The following FAM135B variants were observed in gnomAD, a reference collection of about 807,000 sequenced individuals.
The protein encoded by FAM135B is family with sequence similarity 135 member B.
Under a neutral mutation model 127.7 loss-of-function variants are expected in FAM135B, and 43 were observed. The observed-to-expected ratio is 0.34, with a 90% CI of 0.26 to 0.43. FAM135B has a LOEUF of 0.43. FAM135B is among the 20% of genes least tolerant of loss of function. FAM135B has a pLI of 1.00. For synonymous variants in FAM135B, 670 were observed against 665.1 expected (o/e 1.01, Z -0.11); for missense variants, 1,558 against 1,725.6 (o/e 0.90, Z 1.72).
intron 1 of FAM135B, among the ~76,000 whole-genome samples, chr8:138,487,834 T>C (rs1815042343): frequency 6.6e-6 from 1 of 152,004 alleles, no homozygotes; most frequent in Non-Finnish European, 1.5e-5. Flanking sequence ...AAATCCCTTA[T>C]CTACTAAAAA....
At chr8:138,136,592 A>T (rs13256958) in intron 19 of FAM135B, among the ~76,000 whole-genome samples, 50,624 of 151,348 alleles carry the variant, frequency 0.33, 9,683 homozygotes, top group East Asian at 0.54. Flanking sequence ...ACATGTTTTT[A>T]AAAAAAAACA....
intron 12 of FAM135B, among the ~76,000 whole-genome samples, chr8:138,161,810 C>A: frequency 6.6e-6 from 1 of 152,280 alleles, no homozygotes; most frequent in East Asian, 1.9e-4. Flanking sequence ...TAAGAAATTC[C>A]GAGCCTCCCT....
intron 3 of FAM135B, among the ~76,000 whole-genome samples, chr8:138,281,466 TA>T (rs5895509): frequency 0.02 from 2,970 of 148,058 alleles, 69 homozygotes; most frequent in East Asian, 0.083. Context: ...AGCATCAGTT[TA>T]AAAAAAAAAA....
intron 2 of FAM135B, among the ~76,000 whole-genome samples, chr8:138,358,722 T>C (rs1474352154): frequency 6.6e-6 from 1 of 152,198 alleles, no homozygotes; most frequent in Non-Finnish European, 1.5e-5. Flanking sequence ...CCTTTTACTC[T>C]ACTTAAGAGA....
chr8:138,464,522 G>A (rs1433418134), intron 1 of FAM135B, among the ~76,000 whole-genome samples: 2 of 152,068 alleles, frequency 1.3e-5, no homozygotes, highest in African/African-American at 2.4e-5. Flanking sequence ...AGTCCTCTTG[G>A]GTGTCTTCTG....
At chr8:138,485,317 G>C (rs1023730246) in intron 1 of FAM135B, among the ~76,000 whole-genome samples, 5 of 152,138 alleles carry the variant, frequency 3.3e-5, no homozygotes, top group African/African-American at 1.2e-4. Flanking sequence ...AGGTCCCAGA[G>C]TCTTCCCTAA....
chr8:138,316,371 G>A (rs1325318516), intron 2 of FAM135B, among the ~76,000 whole-genome samples: 1 of 152,060 alleles, frequency 6.6e-6, no homozygotes, highest in Non-Finnish European at 1.5e-5. Flanking sequence ...GCGGGCGCCT[G>A]TAGTCCCAGC....
intron 12 of FAM135B, among the ~76,000 whole-genome samples, chr8:138,156,121 T>C (rs985355275): frequency 2.0e-5 from 3 of 152,258 alleles, no homozygotes; most frequent in Admixed American, 6.5e-5. Context: ...GCAATCAAAT[T>C]AGAACTCAGG....
rs775670459 is a variant in FAM135B at position 138,243,132 on chromosome 8, A to G, written c.543-64T>C. On this transcript the variant is annotated intron_variant, in intron 6 of 19. Transcript: ENST00000395297. The surrounding 1 kb of genome is among the most constrained non-coding windows in gnomAD (Gnocchi z 7.5). ...AAGAAAGTGATGGTGCCATTAACTC[A>G]GCCCCTTTGAGGAGTGTTCCTGTGA... 448 of 1,549,880 alleles carry G rather than the reference A, an allele frequency of 2.9e-4. No homozygotes were observed. The highest frequency in any genetic ancestry group is 3.7e-4 in the Non-Finnish European group (429 of 1,148,664).
chr8:138,211,223 G>C (rs1031487604), intron 7 of FAM135B, among the ~76,000 whole-genome samples: 3 of 152,112 alleles, frequency 2.0e-5, no homozygotes, highest in Non-Finnish European at 2.9e-5. Context: ...AAATAGGTCT[G>C]GTTTTTATTT....
Position 138,152,180 on chromosome 8 carries a change from AG to A in FAM135B, c.2294del (p.Thr765IlefsTer3). ...FEEDEREVAL[T>X]KLTKSVSAPH... ...GAGCAGATACAGACTTGGTTAACTT[AG>A]TGAGTGCCACCTCCCGCTCATCCTC... On this transcript the variant is annotated frameshift_variant, in exon 13 of 20. Transcript: ENST00000395297. LOFTEE classifies it high-confidence loss of function. 6.2e-7 allele frequency: 1 copy of A among 1,613,986 alleles called. No individual in the cohort carries two copies. Among genetic ancestry groups the A allele is most frequent in the Non-Finnish European group, 8.5e-7 (1 of 1,180,026 alleles).
intron 1 of FAM135B, among the ~76,000 whole-genome samples, chr8:138,417,379 C>T (rs1834224505): frequency 6.6e-6 from 1 of 152,182 alleles, no homozygotes; most frequent in African/African-American, 2.4e-5. Flanking sequence ...ATAGGCAGGC[C>T]CTCACCACCA....
intron 2 of FAM135B, among the ~76,000 whole-genome samples, chr8:138,354,671 C>T (rs1829980885): frequency 6.6e-6 from 1 of 152,078 alleles, no homozygotes; most frequent in African/African-American, 2.4e-5. Flanking sequence ...TAGGATAGAG[C>T]CAACAAGAGC....
At chr8:138,460,806 G>A (rs532759041) in intron 1 of FAM135B, among the ~76,000 whole-genome samples, 1 of 152,220 alleles carries the variant, frequency 6.6e-6, no homozygotes, top group South Asian at 2.1e-4. Flanking sequence ...GACGTTGGGA[G>A]CTGTGGTCAT....
intron 2 of FAM135B, among the ~76,000 whole-genome samples, chr8:138,336,909 A>G (rs867062802): frequency 1.2e-4 from 18 of 152,342 alleles, no homozygotes; most frequent in Middle Eastern, 3.4e-3. Context: ...CTTATCCACC[A>G]TGATCAAGTG....
intron 7 of FAM135B, among the ~76,000 whole-genome samples, chr8:138,240,126 A>G (rs1296252817): frequency 6.6e-6 from 1 of 152,188 alleles, no homozygotes; most frequent in Non-Finnish European, 1.5e-5. Flanking sequence ...GTGCACATGT[A>G]CCCTAGAACT....
rs1820843659 is a variant in FAM135B, at chr8:138,242,164, TTTGTGTG to T, written c.669+771_669+777del. Among the ~76,000 whole-genome samples the T allele has an allele frequency of 1.5e-5, 2 of 135,208 alleles. No homozygotes were observed. Among genetic ancestry groups the T allele is most frequent in the Admixed American group, 1.6e-4 (2 of 12,528 alleles). The allele number at this position is 135,208 out of a possible 152,430, so 88.7% of individuals were successfully genotyped here. Reference sequence around the variant, plus strand: ...GAGTCAATTACTTATGATAAATCTCTTTGTGTGTGTGTGTGTGTGTGTGTGTGTGTGT... The same window carrying T: ...GAGTCAATTACTTATGATAAATCTCTTGTGTGTGTGTGTGTGTGTGTGTGT... On this transcript the variant is annotated intron_variant, in intron 7 of 19. Coordinates refer to ENST00000395297, the MANE Select transcript of FAM135B (RefSeq NM_015912.4). The surrounding 1 kb of genome is among the most constrained non-coding windows in gnomAD (Gnocchi z 9.6).
chr8:138,302,999 A>C (rs561626246), intron 3 of FAM135B, among the ~76,000 whole-genome samples: 1 of 152,378 alleles, frequency 6.6e-6, no homozygotes, highest in African/African-American at 2.4e-5. Flanking sequence ...AGTGTAAATT[A>C]GTTCAACCAT....
At chr8:138,426,605 C>G (rs1834905493) in intron 1 of FAM135B, among the ~76,000 whole-genome samples, 1 of 151,378 alleles carries the variant, frequency 6.6e-6, no homozygotes, top group Admixed American at 6.6e-5. Flanking sequence ...TAATCTAATA[C>G]TATAATTTAT....
Sources: gnomAD v4.1 joint callset for allele counts (sites outside exome capture counted in the v4.1 genomes callset) on GRCh38, gnomAD v4.1.1 for gene constraint, Gnocchi (gnomAD v3.1) non-coding constraint, MANE v1.5 for transcripts, NCBI Gene and HGNC (gene_info 2026-07-23, HGNC 2026-07-21) for gene names.